MRC1: variants seen among roughly 807,000 people sequenced by gnomAD.
MRC1 encodes the protein mannose receptor C-type 1, also known as macrophage mannose receptor 1.
Under a neutral mutation model 102.9 loss-of-function variants are expected in MRC1, and 62 were observed. The observed-to-expected ratio is 0.60, with a 90% CI of 0.49 to 0.74. MRC1 has a LOEUF of 0.74. Among genes scored for constraint, MRC1 ranks in the 30% least tolerant of loss-of-function variants. The pLI is 0.00. For synonymous variants in MRC1, 457 were observed against 298.4 expected (o/e 1.53, Z -5.48); for missense variants, 1,237 against 862.8 (o/e 1.43, Z -5.43).
At chr10:17,882,895 T>G (rs1236475560) in intron 21 of MRC1, among the ~76,000 whole-genome samples, 1 of 152,188 alleles carries the variant, frequency 6.6e-6, no homozygotes, top group Non-Finnish European at 1.5e-5. Flanking sequence ...CCTGGCATAG[T>G]GAAATTGAAA....
intron 4 of MRC1, among the ~76,000 whole-genome samples, chr10:17,834,358 T>C (rs1315313612): frequency 6.6e-6 from 1 of 152,224 alleles, no homozygotes; most frequent in Non-Finnish European, 1.5e-5. Flanking sequence ...TCAGGTTTTA[T>C]TGATACTCTT....
At chr10:17,870,823 T>C in intron 13 of MRC1, 25 bp from the exon 14 acceptor site, 1 of 872,118 alleles carries the variant, frequency 1.1e-6, no homozygotes, top group Non-Finnish European at 2.0e-6. Flanking sequence ...TAGCATATGC[T>C]TTCTTTATGT....
At chr10:17,871,838 T>G in intron 14 of MRC1, 144 bp from the exon 15 acceptor site, 1 of 684,900 alleles carries the variant, frequency 1.5e-6, no homozygotes, top group Non-Finnish European at 2.7e-6. Context: ...GTTTGTGAAC[T>G]GTGCTTTCAA....
At chr10:17,893,815 A>C (rs1833714260) in intron 22 of MRC1, among the ~76,000 whole-genome samples, 1 of 152,234 alleles carries the variant, frequency 6.6e-6, no homozygotes, top group Non-Finnish European at 1.5e-5. Flanking sequence ...TATATAGATC[A>C]TGCTCATTTC....
At chr10:17,826,028 G>C (rs1475106077) in intron 2 of MRC1, among the ~76,000 whole-genome samples, 1 of 151,790 alleles carries the variant, frequency 6.6e-6, no homozygotes, top group Non-Finnish European at 1.5e-5. Context: ...GGAATTTTGA[G>C]GTCATTAAAA....
At position 17,899,758 on chromosome 10, in the gene MRC1, A is replaced by G. The variant is rs984517593; in HGVS notation, c.3484-1030A>G. On this transcript the variant is annotated intron_variant, in intron 24 of 29. Transcript: ENST00000569591. Reference sequence around the variant, plus strand: ...ATAAATAATATTTTGATGTTTATCAATATTTTGTATGTGATCATAAATTTG... The same window carrying G: ...ATAAATAATATTTTGATGTTTATCAGTATTTTGTATGTGATCATAAATTTG... Among the ~76,000 whole-genome samples, 16 of 152,284 alleles carry G rather than the reference A, an allele frequency of 1.1e-4. No individual in the cohort carries two copies. In the East Asian group the frequency reaches 1.2e-3, roughly 11 times the overall value.
chr10:17,840,131 C>T (rs926056550), intron 4 of MRC1, among the ~76,000 whole-genome samples: 47 of 132,176 alleles, frequency 3.6e-4, no homozygotes, highest in African/African-American at 1.7e-3. Context: ...AGCTGAGGTC[C>T]GTGTTGTTTC....
chr10:17,846,719 AC>A, intron 6 of MRC1, among the ~76,000 whole-genome samples: 1 of 152,300 alleles, frequency 6.6e-6, no homozygotes, highest in Non-Finnish European at 1.5e-5. Flanking sequence ...CCACTTAACA[AC>A]AATTTTGGAC....
At chr10:17,894,388 TTCTTTC>T in intron 23 of MRC1, 76 bp downstream of exon 23, 2 of 710,422 alleles carry the variant, frequency 2.8e-6, no homozygotes, top group African/African-American at 2.2e-5. Context: ...CTTTCTTTCT[TTCTTTC>T]TTTTTTTTTT....
chr10:17,864,891 G>A (rs1406024844), intron 11 of MRC1, among the ~76,000 whole-genome samples: 1 of 148,040 alleles, frequency 6.8e-6, no homozygotes, highest in African/African-American at 2.5e-5. Flanking sequence ...TGACTAGAAA[G>A]CTTCCAAGCA....
At chr10:17,847,999 G>C (rs1211798204) in intron 6 of MRC1, among the ~76,000 whole-genome samples, 1 of 148,106 alleles carries the variant, frequency 6.8e-6, no homozygotes, top group East Asian at 2.0e-4. Context: ...TTTTAAATAT[G>C]CATTTTTTAT....
chr10:17,879,616 G>C, intron 18 of MRC1, 105 bp from the exon 19 acceptor site: 1 of 779,432 alleles, frequency 1.3e-6, no homozygotes, highest in Non-Finnish European at 2.4e-6. Flanking sequence ...ACTCGCCTCG[G>C]CCTCCCATGG....
intron 13 of MRC1, 101 bp downstream of exon 13, chr10:17,870,474 A>G: frequency 1.3e-6 from 1 of 775,616 alleles, no homozygotes; most frequent in Non-Finnish European, 2.4e-6. Context: ...TCAGGATGCT[A>G]GTTTGAGCAC....
chr10:17,906,449 A>G (rs1833896459), intron 26 of MRC1, among the ~76,000 whole-genome samples: 1 of 151,730 alleles, frequency 6.6e-6, no homozygotes, highest in South Asian at 2.1e-4. Context: ...TATCCTTTTT[A>G]CTTGAAATCC....
intron 10 of MRC1, 65 bp downstream of exon 10, chr10:17,861,567 A>G (rs1214629009): frequency 9.0e-6 from 7 of 777,854 alleles, no homozygotes; most frequent in Admixed American, 1.8e-5. Context: ...GAAAAGCCCA[A>G]GTATCAACAT....
intron 15 of MRC1, 102 bp downstream of exon 15, chr10:17,872,228 A>C (rs1399116549): frequency 3.9e-6 from 3 of 775,050 alleles, no homozygotes; most frequent in Non-Finnish European, 7.2e-6. Flanking sequence ...CAAAATAACA[A>C]AATCAGGAAA....
intron 6 of MRC1, among the ~76,000 whole-genome samples, chr10:17,848,373 A>T (rs1389472625): frequency 6.6e-6 from 1 of 152,158 alleles, no homozygotes; most frequent in Admixed American, 6.5e-5. Flanking sequence ...AATACTCAAT[A>T]CGCTTATATG....
At chr10:17,825,830 A>G (rs1210598836) in intron 2 of MRC1, among the ~76,000 whole-genome samples, 1 of 152,340 alleles carries the variant, frequency 6.6e-6, no homozygotes, top group South Asian at 2.1e-4. Context: ...ACTAACCCCA[A>G]GGTGGTCTTG....
intron 1 of MRC1, among the ~76,000 whole-genome samples, chr10:17,814,361 T>C (rs1838273467): frequency 6.6e-6 from 1 of 152,178 alleles, no homozygotes; most frequent in African/African-American, 2.4e-5. Context: ...TTTTAGACTT[T>C]TCACTTCAAG....
Sources: gnomAD v4.1 joint callset for allele counts (sites outside exome capture counted in the v4.1 genomes callset) on GRCh38, gnomAD v4.1.1 for gene constraint, MANE v1.5 for transcripts, NCBI Gene and HGNC (gene_info 2026-07-23, HGNC 2026-07-21) for gene names.